Variants in MS4A4A observed in about 807,000 individuals in gnomAD.
The protein encoded by MS4A4A is membrane spanning 4-domains A4A, also known as membrane-spanning 4-domains subfamily A member 4A.
A neutral mutation model predicts 28.0 loss-of-function variants in MS4A4A; 26 were observed. That is an observed-to-expected ratio of 0.93 (90% CI 0.68 to 1.29). MS4A4A has a LOEUF of 1.29. Ranked by LOEUF, MS4A4A falls within the 50% of genes most tolerant of loss-of-function variation. The pLI, the probability that MS4A4A is intolerant of heterozygous loss-of-function variation, is 0.00. For missense variants in MS4A4A, 290 were observed against 293.1 expected (o/e 0.99, Z 0.08); for synonymous variants, 86 against 100.8 (o/e 0.85, Z 0.88).
At chr11:60,299,448 C>CTTTTTTTTTTTTTTTTTTTTTTTTTTT (rs5792179) in intron 3 of MS4A4A, among the ~76,000 whole-genome samples, 1 of 113,236 alleles carries the variant, frequency 8.8e-6, no homozygotes, top group Non-Finnish European at 1.7e-5. Flanking sequence ...AATTACAATT[C>CTTTTTTTTTTTTTTTTTTTTTTTTTTT]TTTTTTTTTT....
chr11:60,286,887 G>A (rs1018134613), intron 1 of MS4A4A, among the ~76,000 whole-genome samples: 19 of 152,156 alleles, frequency 1.2e-4, no homozygotes, highest in African/African-American at 4.6e-4. Flanking sequence ...AGCATTAATG[G>A]ATAAGGATTT....
Position 60,305,990 on chromosome 11 carries a change from T to C in MS4A4A, c.547-110T>C, listed in dbSNP as rs557967405. ...GTATGGCTGCCATTGGGAGGCAGGT[T>C]TCCTGACTCCCAGCCAGTGCTTTTT... is the stretch of plus-strand genomic sequence containing the variant. On this transcript the variant is annotated intron_variant, in intron 5 of 6. Coordinates refer to ENST00000337908, the MANE Select transcript of MS4A4A (RefSeq NM_148975.3). 1.1e-3 allele frequency: 897 copies of C among 850,232 alleles called. 19 individuals carry two copies. The South Asian group carries it at 0.015, about 14-fold the overall frequency. The allele number at this position is 850,232 out of a possible 1,614,324, so 52.7% of individuals were successfully genotyped here. A position where few individuals can be genotyped will look rare whatever the true frequency, so the allele number is the denominator to read the frequency against.
At chr11:60,301,388 G>GT (rs2084951907) in intron 4 of MS4A4A, among the ~76,000 whole-genome samples, 1 of 152,180 alleles carries the variant, frequency 6.6e-6, no homozygotes. Flanking sequence ...AAGCATTGGT[G>GT]TTGTGTAATA....
At chr11:60,288,722 C>T (rs1316010731) in intron 1 of MS4A4A, among the ~76,000 whole-genome samples, 1 of 152,140 alleles carries the variant, frequency 6.6e-6, no homozygotes, top group Non-Finnish European at 1.5e-5. Context: ...GTAGCAGCAG[C>T]AAGGCCTCAG....
At chr11:60,308,081 C>T (rs1245086295) in intron 6 of MS4A4A, 26 bp from the exon 7 acceptor site, 2 of 1,612,102 alleles carry the variant, frequency 1.2e-6, no homozygotes, top group African/African-American at 1.3e-5. Context: ...GGGTGACTCA[C>T]CTTTGGCATT....
intron 1 of MS4A4A, chr11:60,282,609 G>A: frequency 7.8e-7 from 1 of 1,285,054 alleles, no homozygotes; most frequent in Non-Finnish European, 1.0e-6. Flanking sequence ...CACAAGAGGG[G>A]TGGAACATTC....
intron 1 of MS4A4A, among the ~76,000 whole-genome samples, chr11:60,283,208 A>G (rs2084771844): frequency 6.6e-6 from 1 of 152,038 alleles, no homozygotes; most frequent in African/African-American, 2.4e-5. Flanking sequence ...CTGGGATTAC[A>G]GGCGCCCACC....
At chr11:60,282,979 AT>A (rs1308461581) in intron 1 of MS4A4A, among the ~76,000 whole-genome samples, 1 of 152,212 alleles carries the variant, frequency 6.6e-6, no homozygotes, top group Admixed American at 6.5e-5. Context: ...TAAAAATAGA[AT>A]AATGGCTTGC....
At chr11:60,281,567 C>T (rs1271141858) in intron 1 of MS4A4A, among the ~76,000 whole-genome samples, 1 of 152,188 alleles carries the variant, frequency 6.6e-6, no homozygotes, top group Non-Finnish European at 1.5e-5. Flanking sequence ...CTAAAACCAT[C>T]CAGATTCAGG....
At chr11:60,292,775 C>T (rs1417539553) in intron 2 of MS4A4A, among the ~76,000 whole-genome samples, 1 of 152,134 alleles carries the variant, frequency 6.6e-6, no homozygotes, top group African/African-American at 2.4e-5. Context: ...TAGCCCCCTG[C>T]TCAGAGGATG....
intron 2 of MS4A4A, 101 bp downstream of exon 2, chr11:60,292,485 C>T: frequency 8.3e-7 from 1 of 1,210,262 alleles, no homozygotes; most frequent in Non-Finnish European, 1.1e-6. Context: ...AATACAACAG[C>T]CAACCCTCAC....
intron 3 of MS4A4A, among the ~76,000 whole-genome samples, chr11:60,299,375 C>T (rs2084931113): frequency 6.7e-6 from 1 of 149,230 alleles, no homozygotes; most frequent in Non-Finnish European, 1.5e-5. Flanking sequence ...AATGATCCTA[C>T]ATTTTTATCA....
At chr11:60,296,365 G>T (rs1242903941) in intron 2 of MS4A4A, among the ~76,000 whole-genome samples, 1 of 151,538 alleles carries the variant, frequency 6.6e-6, no homozygotes, top group Admixed American at 6.6e-5. Flanking sequence ...TTTTTCTTAG[G>T]CTGGCTAGAG....
At position 60,283,597 on chromosome 11, in the gene MS4A4A, AG is replaced by A. The variant is rs1351818477; in HGVS notation, c.41+2883del. The stretch of plus-strand genomic sequence containing the variant: ...GAGGAAGACTGGATGTCTTCTATTT[AG>A]GTCTTCTAAGGTTTGAAATAAAAAT... On this transcript the variant is annotated intron_variant, in intron 1 of 6. Coordinates refer to ENST00000337908, the MANE Select transcript of MS4A4A (RefSeq NM_148975.3). Among the ~76,000 whole-genome samples the A allele has an allele frequency of 2.6e-5, 4 of 152,208 alleles. No homozygotes were observed. In the South Asian group the frequency reaches 8.3e-4, roughly 32 times the overall value.
chr11:60,285,505 A>T (rs1006608888), intron 1 of MS4A4A, among the ~76,000 whole-genome samples: 1 of 151,826 alleles, frequency 6.6e-6, no homozygotes, highest in Non-Finnish European at 1.5e-5. Context: ...TATTGGAGGA[A>T]CCAGTCCCCA....
chr11:60,298,827 C>T (rs963125620), intron 3 of MS4A4A, among the ~76,000 whole-genome samples: 1 of 152,114 alleles, frequency 6.6e-6, no homozygotes, highest in African/African-American at 2.4e-5. Context: ...TTAGATGAGC[C>T]TTTACTTAAT....
At chr11:60,297,348 T>C (rs1356123706) in intron 3 of MS4A4A, 23 bp downstream of exon 3, 2 of 1,610,786 alleles carry the variant, frequency 1.2e-6, no homozygotes, top group Admixed American at 3.3e-5. Flanking sequence ...TCTTTTGATA[T>C]AATTGAAGAT....
intron 1 of MS4A4A, among the ~76,000 whole-genome samples, chr11:60,286,303 C>T (rs895800820): frequency 5.9e-5 from 9 of 152,038 alleles, no homozygotes; most frequent in East Asian, 1.9e-4. Context: ...CGTGAGGCAA[C>T]GTACATCTTC....
chr11:60,291,713 G>A (rs1436200805), intron 1 of MS4A4A, among the ~76,000 whole-genome samples: 2 of 148,166 alleles, frequency 1.3e-5, no homozygotes, highest in Admixed American at 6.8e-5. Flanking sequence ...CAGGAGAATC[G>A]TTTGAACCCA....
Sources: allele counts gnomAD v4.1 joint callset (sites outside exome capture counted in the v4.1 genomes callset), GRCh38; gene constraint gnomAD v4.1.1; transcripts MANE v1.5; gene names NCBI Gene and HGNC (gene_info 2026-07-23, HGNC 2026-07-21).